The following ZGPAT variants were observed in gnomAD, a reference collection of about 807,000 sequenced individuals.
ZGPAT encodes zinc finger CCCH-type with G patch domain-containing protein.
In ZGPAT, 39 loss-of-function variants were observed where a neutral mutation model predicts 47.9. That is an observed-to-expected ratio of 0.81 (90% CI 0.63 to 1.06). The LOEUF is 1.06. Among genes scored for constraint, ZGPAT ranks in the 50% least tolerant of loss-of-function variants. The pLI, the probability that ZGPAT is intolerant of heterozygous loss-of-function variation, is 0.00. For synonymous variants in ZGPAT, 348 were observed against 292.9 expected (o/e 1.19, Z -1.92); for missense variants, 717 against 681.4 (o/e 1.05, Z -0.58).
intron 2 of ZGPAT, among the ~76,000 whole-genome samples, chr20:63,721,655 C>T (rs541248967): frequency 2.3e-4 from 35 of 152,286 alleles, no homozygotes; most frequent in Non-Finnish European, 4.1e-4. Context: ...CCTTCCTAGG[C>T]TTTTCTGTCA....
At chr20:63,715,102 T>G (rs1471002791) in intron 2 of ZGPAT, among the ~76,000 whole-genome samples, 1 of 152,086 alleles carries the variant, frequency 6.6e-6, no homozygotes, top group East Asian at 1.9e-4. Context: ...CTCTTTATTA[T>G]TATTATTTTT....
intron 2 of ZGPAT, among the ~76,000 whole-genome samples, chr20:63,710,949 T>A (rs567384673): frequency 1.1e-4 from 17 of 152,306 alleles, no homozygotes; most frequent in Middle Eastern, 3.4e-3. Flanking sequence ...TTCTAGTAGG[T>A]AATTTTCTTT....
Position 63,719,199 on chromosome 20 carries a change from A to G in ZGPAT, c.584+10035A>G, listed in dbSNP as rs7263293. ...CTCTTGCTGTTTTAGGAGATTCTCT[A>G]TCTTTGGGTTTCAGCAGTTTGATTA... On this transcript the variant is annotated intron_variant, in intron 2 of 6. Coordinates refer to ENST00000355969, the MANE Select transcript of ZGPAT (RefSeq NM_181485.3). Among the ~76,000 whole-genome samples, 275 of 152,254 alleles carry G rather than the reference A, an allele frequency of 1.8e-3. 1 individual carries two copies. Among genetic ancestry groups the G allele is most frequent in the African/African-American group, 6.4e-3 (265 of 41,578 alleles).
At position 63,708,598 on chromosome 20, in the gene ZGPAT, G is replaced by A; in HGVS notation, c.18G>A (p.Leu6=). The A allele has an allele frequency of 6.2e-7, 1 of 1,603,940 alleles. No individual in the cohort carries two copies. The highest frequency in any genetic ancestry group is 8.5e-7 in the Non-Finnish European group (1 of 1,173,620). ...CTCTCAGCATGGACGAGGAGAGCCT[G>A]GAGTCGGCCTTGCAGACCTACCGTG... MDEES[L]ESALQTYRAQ... Residue 6 remains leucine (L), a synonymous_variant, in exon 2 of 7, where the codon CTG becomes CTA. Coordinates refer to ENST00000355969, the MANE Select transcript of ZGPAT (RefSeq NM_181485.3).
rs1387239367 is a variant in ZGPAT at position 63,708,629 on chromosome 20, C to T, written c.49C>T (p.Leu17=). The part of the protein sequence containing the change: ...ESALQTYRAQ[L]QQVELALGAG... Reference sequence around the variant, plus strand: ...GGCCTTGCAGACCTACCGTGCGCAGCTGCAGCAGGTGGAGCTGGCCTTGGG... The same window carrying T: ...GGCCTTGCAGACCTACCGTGCGCAGTTGCAGCAGGTGGAGCTGGCCTTGGG... Residue 17 remains leucine, a synonymous_variant, in exon 2 of 7, where the codon CTG becomes TTG. Transcript: ENST00000355969. 9 of 1,611,532 alleles carry T rather than the reference C, an allele frequency of 5.6e-6. No individual in the cohort carries two copies. The highest frequency in any genetic ancestry group is 7.6e-6 in the Non-Finnish European group (9 of 1,179,114).
At chr20:63,731,672 G>A (rs2091905703) in intron 2 of ZGPAT, among the ~76,000 whole-genome samples, 1 of 151,152 alleles carries the variant, frequency 6.6e-6, no homozygotes, top group Non-Finnish European at 1.5e-5. Flanking sequence ...GTGTGATTGT[G>A]TGTGCATATG....
At position 63,731,936 on chromosome 20, in the gene ZGPAT, G is replaced by A. The variant is rs531143235; in HGVS notation, c.585-1283G>A. Among the ~76,000 whole-genome samples the A allele has an allele frequency of 1.2e-4, 19 of 152,324 alleles. 1 individual carries two copies. The highest frequency in any genetic ancestry group is 4.1e-4 in the African/African-American group (17 of 41,546). ...AAAGTACGTGGGAAGATGTGCGTAG[G>A]TTATATGCAAACACTATGTCATTAT... On this transcript the variant is annotated intron_variant, in intron 2 of 6. Coordinates refer to ENST00000355969, the MANE Select transcript of ZGPAT (RefSeq NM_181485.3).
intron 2 of ZGPAT, among the ~76,000 whole-genome samples, chr20:63,718,238 C>A (rs1005069762): frequency 2.0e-5 from 3 of 152,062 alleles, no homozygotes; most frequent in Admixed American, 6.6e-5. Flanking sequence ...CTCAAGACAT[C>A]CTAATCTCCC....
rs149022199 is a variant in ZGPAT at position 63,719,065 on chromosome 20, C to CAAA, written c.584+9914_584+9916dup. On this transcript the variant is annotated intron_variant, in intron 2 of 6. Coordinates refer to ENST00000355969, the MANE Select transcript of ZGPAT (RefSeq NM_181485.3). ...TGGGCAACAGTGCGAGACTCCATCTCAAAAAAAAAAAAAAATGTCATCTCA... is the reference window on the plus strand; with the variant it reads ...TGGGCAACAGTGCGAGACTCCATCTCAAAAAAAAAAAAAAAAAATGTCATCTCA... 8.5e-4 allele frequency among the ~76,000 whole-genome samples: 124 copies of CAAA among 146,526 alleles called. 4 individuals carry two copies. The Middle Eastern group carries it at 0.018, about 21-fold the overall frequency.
At chr20:63,715,722 G>C (rs1483036210) in intron 2 of ZGPAT, among the ~76,000 whole-genome samples, 1 of 152,142 alleles carries the variant, frequency 6.6e-6, no homozygotes, top group African/African-American at 2.4e-5. Context: ...CTCATAGAAT[G>C]AGTTAGGAAG....
In ZGPAT at chr20:63,733,696, C is replaced by T. The variant is rs780553470; in HGVS notation, c.828C>T (p.Ser276=). The change falls in exon 4 of 7, where the codon TCC becomes TCT. Residue 276 remains serine (S), a synonymous_variant. Transcript: ENST00000355969. The stretch of plus-strand genomic sequence containing the variant: ...CACTGCGCACAGAGGCCACAGAGTC[C>T]GACTCAGACAGCGACGGTACGGGTG... ...LPPLRTEATE[S]DSDSDGTGDS... The T allele has an allele frequency of 1.3e-5, 21 of 1,613,746 alleles. No homozygotes were observed. Among genetic ancestry groups the T allele is most frequent in the Admixed American group, 5.0e-5 (3 of 59,994 alleles).
intron 1 of ZGPAT, 33 bp from the exon 2 acceptor site, chr20:63,708,520 G>A: frequency 6.7e-7 from 1 of 1,493,490 alleles, no homozygotes. Flanking sequence ...TCGGTCCCGA[G>A]ACGCGGGGCT....
At chr20:63,732,844 A>ATG (rs569355039) in intron 2 of ZGPAT, among the ~76,000 whole-genome samples, 11 of 151,360 alleles carry the variant, frequency 7.3e-5, no homozygotes, top group Non-Finnish European at 1.5e-4. Context: ...GTGTGAGTGC[A>ATG]TGTGTGTGTA....
At chr20:63,728,774 C>A (rs1297584698) in intron 2 of ZGPAT, among the ~76,000 whole-genome samples, 1 of 152,202 alleles carries the variant, frequency 6.6e-6, no homozygotes, top group Admixed American at 6.5e-5. Flanking sequence ...CCCACATCCA[C>A]CTCTGCTGCT....
intron 2 of ZGPAT, among the ~76,000 whole-genome samples, chr20:63,732,944 G>GTA (rs957174666): frequency 2.0e-5 from 3 of 151,806 alleles, no homozygotes; most frequent in Non-Finnish European, 4.4e-5. Context: ...GCACAAGTGT[G>GTA]TATATATGTG....
At position 63,708,781 on chromosome 20, in the gene ZGPAT, C is replaced by G. The variant is rs1379587131; in HGVS notation, c.201C>G (p.Asp67Glu). 2.5e-6 allele frequency: 4 copies of G among 1,607,348 alleles called. No homozygotes were observed. Among genetic ancestry groups the G allele is most frequent in the Non-Finnish European group, 3.4e-6 (4 of 1,175,648 alleles). The stretch of plus-strand genomic sequence containing the variant: ...AGAGCAGCTTGTTGGCCGCGCTGGA[C>G]GAAGAGCGCCCGGGCCGCCAGGAAG... ...VRKSSLLAAL[D>E]EERPGRQEDA... is the part of the protein sequence containing the mutation. Residue 67 changes from aspartate to glutamate, a missense_variant, in exon 2 of 7, where the codon GAC (aspartate) becomes GAG (glutamate). By Grantham distance (45) the Asp-to-Glu change is conservative. Coordinates refer to ENST00000355969, the MANE Select transcript of ZGPAT (RefSeq NM_181485.3).
At chr20:63,719,065 CAA>C (rs149022199) in intron 2 of ZGPAT, among the ~76,000 whole-genome samples, 6 of 146,548 alleles carry the variant, frequency 4.1e-5, no homozygotes, top group Admixed American at 6.8e-5. Flanking sequence ...GACTCCATCT[CAA>C]AAAAAAAAAA....
In ZGPAT at chr20:63,717,332, C is replaced by CTTTTTTT. The variant is rs1173734420; in HGVS notation, c.584+8187_584+8193dup. 3.1e-3 allele frequency among the ~76,000 whole-genome samples: 188 copies of CTTTTTTT among 60,974 alleles called. 1 individual carries two copies. The highest frequency in any genetic ancestry group is 5.2e-3 in the South Asian group (6 of 1,152). 40.0% of individuals were successfully genotyped at this position (60,974 alleles called of 152,430 possible). ...TGATTTGAGATCTCTTTTTTCTTTT[C>CTTTTTTT]TTTTTTTTTTTTTTTTTTTTTTTTT... On this transcript the variant is annotated intron_variant, in intron 2 of 6. Coordinates refer to ENST00000355969, the MANE Select transcript of ZGPAT (RefSeq NM_181485.3).
chr20:63,731,366 ATG>A (rs200421835), intron 2 of ZGPAT, among the ~76,000 whole-genome samples: 1 of 140,990 alleles, frequency 7.1e-6, no homozygotes, highest in African/African-American at 2.7e-5. Context: ...GAGATTGTGT[ATG>A]TGCATACGTG....
Sources: gnomAD v4.1 joint callset for allele counts (sites outside exome capture counted in the v4.1 genomes callset) on GRCh38, gnomAD v4.1.1 for gene constraint, MANE v1.5 for transcripts, NCBI Gene and HGNC (gene_info 2026-07-23, HGNC 2026-07-21) for gene names.